The following DSCAML1 variants were observed in gnomAD, a reference collection of about 807,000 sequenced individuals.
The protein encoded by DSCAML1 is cell adhesion molecule DSCAML1.
Under a neutral mutation model 200.5 loss-of-function variants are expected in DSCAML1, and 38 were observed. The ratio of observed to expected loss-of-function variants is 0.19; its 90% CI spans 0.15 to 0.25. The LOEUF (loss-of-function observed/expected upper bound fraction) is 0.25, where lower values mean the gene tolerates loss of function less well. Among genes scored for constraint, DSCAML1 ranks in the 10% least tolerant of loss-of-function variants. The probability of loss-of-function intolerance (pLI) is 1.00; values close to 1 mark genes in which losing one functional copy is unlikely to be tolerated. For synonymous variants in DSCAML1, 1,215 were observed against 1,165.0 expected (o/e 1.04, Z -0.87); for missense variants, 2,223 against 2,858.8 (o/e 0.78, Z 5.07).
At chr11:117,697,433 T>C (rs1591412311) in intron 3 of DSCAML1, among the ~76,000 whole-genome samples, 2 of 152,212 alleles carry the variant, frequency 1.3e-5, no homozygotes, top group Non-Finnish European at 2.9e-5. Context: ...TTTTTTATTA[T>C]GGCAAAATAT....
chr11:117,602,011 C>T (rs1337430023), intron 3 of DSCAML1, among the ~76,000 whole-genome samples: 2 of 152,234 alleles, frequency 1.3e-5, no homozygotes, highest in Admixed American at 6.5e-5. Flanking sequence ...TTCCCTGCTG[C>T]TGTAATGAGG....
chr11:117,806,048 T>C (rs541918670), intron 1 of DSCAML1, among the ~76,000 whole-genome samples: 2 of 152,308 alleles, frequency 1.3e-5, no homozygotes, highest in Admixed American at 6.5e-5. Context: ...CTAGGCCCTG[T>C]TGCCTTCAGA....
chr11:117,535,710 GC>G (rs2050156118), intron 3 of DSCAML1, among the ~76,000 whole-genome samples: 1 of 152,140 alleles, frequency 6.6e-6, no homozygotes, highest in Non-Finnish European at 1.5e-5. Context: ...GGAGGGCGTT[GC>G]TGCCAATCAG....
intron 3 of DSCAML1, among the ~76,000 whole-genome samples, chr11:117,532,834 A>T (rs997388424): frequency 2.0e-5 from 3 of 152,052 alleles, no homozygotes; most frequent in Admixed American, 6.6e-5. Flanking sequence ...GTACAGATTT[A>T]AAAAATGGGG....
rs1448420028 is a variant in DSCAML1, at chr11:117,480,425, T to C, written c.2785+18A>G. 8 of 1,612,686 alleles carry C rather than the reference T, an allele frequency of 5.0e-6. No individual in the cohort carries two copies. The Admixed American group carries it at 8.3e-5, about 17-fold the overall frequency. On this transcript the variant is annotated intron_variant, in intron 14 of 32. Transcript: ENST00000651296. This position sits in a 1 kb window ranked among gnomAD's most constrained non-coding sequence, Gnocchi z 4.1. ...GCCATGGCAGGCCACGCTGTCACCC[T>C]CCTGGCCCAGCGCCTACCTGATTTG...
chr11:117,625,535 G>A (rs2052025477), intron 3 of DSCAML1, among the ~76,000 whole-genome samples: 1 of 152,206 alleles, frequency 6.6e-6, no homozygotes, highest in African/African-American at 2.4e-5. Flanking sequence ...TCCCAGTGGT[G>A]TGACCCAACA....
chr11:117,761,393 G>C (rs1327546136), intron 3 of DSCAML1, among the ~76,000 whole-genome samples: 4 of 152,216 alleles, frequency 2.6e-5, no homozygotes, highest in Non-Finnish European at 2.9e-5. Flanking sequence ...TCCTCCTACA[G>C]AGAGTTCAGT....
At chr11:117,765,099 C>T (rs1281147682) in intron 3 of DSCAML1, among the ~76,000 whole-genome samples, 1 of 152,166 alleles carries the variant, frequency 6.6e-6, no homozygotes, top group Non-Finnish European at 1.5e-5. Context: ...TGCTCTGAGC[C>T]AAAGGTGAAG....
rs1205124295 is a variant in DSCAML1, at chr11:117,518,410, C to G, written c.1510+56G>C. Reference sequence around the variant, plus strand: ...ATCAGCACAAGAATAATGGTAACCACAGAGATGGCAAAGGAACTCAAAAAC... The same window carrying G: ...ATCAGCACAAGAATAATGGTAACCAGAGAGATGGCAAAGGAACTCAAAAAC... On this transcript the variant is annotated intron_variant, in intron 7 of 32. Coordinates refer to ENST00000651296, the MANE Select transcript of DSCAML1 (RefSeq NM_020693.4). This position sits in a 1 kb window ranked among gnomAD's most constrained non-coding sequence, Gnocchi z 6.3. 1 of 1,606,492 alleles carries G rather than the reference C, an allele frequency of 6.2e-7. No homozygotes were observed. Among genetic ancestry groups the G allele is most frequent in the East Asian group, 2.2e-5 (1 of 44,850 alleles).
At chr11:117,477,198 G>GACACACACACACACAC (rs60376380) in intron 14 of DSCAML1, among the ~76,000 whole-genome samples, 4,203 of 144,560 alleles carry the variant, frequency 0.029, 91 homozygotes, top group East Asian at 0.068. Flanking sequence ...GCTGTCCTTA[G>GACACACACACACACAC]ACACACACAC....
At position 117,437,504 on chromosome 11, in the gene DSCAML1, G is replaced by A; in HGVS notation, c.4433-95C>T. The stretch of plus-strand genomic sequence containing the variant: ...TGGAAAGGATTTCCCTGGGGCAGCT[G>A]GGATGGCAGTGGCTCCAGGAGAATA... On this transcript the variant is annotated intron_variant, in intron 25 of 32. Coordinates refer to ENST00000651296, the MANE Select transcript of DSCAML1 (RefSeq NM_020693.4). The surrounding 1 kb of genome is among the most constrained non-coding windows in gnomAD (Gnocchi z 5.3). The A allele has an allele frequency of 1.4e-6, 2 of 1,434,684 alleles. No homozygotes were observed. Among genetic ancestry groups the A allele is most frequent in the Non-Finnish European group, 1.9e-6 (2 of 1,051,560 alleles). The allele number at this position is 1,434,684 out of a possible 1,614,324, so 88.9% of individuals were successfully genotyped here. A position where few individuals can be genotyped will look rare whatever the true frequency, so the allele number is the denominator to read the frequency against.
Position 117,464,979 on chromosome 11 carries a change from G to A in DSCAML1, c.3228C>T (p.Pro1076=), listed in dbSNP as rs756928234. Residue 1076 remains proline (P), a synonymous_variant, in exon 17 of 33, where the codon CCC becomes CCT. Coordinates refer to ENST00000651296, the MANE Select transcript of DSCAML1 (RefSeq NM_020693.4). Reference sequence around the variant, plus strand: ...TGGTGGCATTGATCTCGCTGGAAGAGGGCCCCGTGCCAGCCCGATTGAAGG... The same window carrying A: ...TGGTGGCATTGATCTCGCTGGAAGAAGGCCCCGTGCCAGCCCGATTGAAGG... The part of the protein sequence containing the change: ...VQAFNRAGTG[P]SSSEINATTL... The A allele has an allele frequency of 3.7e-6, 6 of 1,613,976 alleles. No individual in the cohort carries two copies. Among genetic ancestry groups the A allele is most frequent in the Admixed American group, 1.7e-5 (1 of 59,992 alleles).
chr11:117,731,507 C>A (rs1462025497), intron 3 of DSCAML1, among the ~76,000 whole-genome samples: 1 of 152,176 alleles, frequency 6.6e-6, no homozygotes, highest in Non-Finnish European at 1.5e-5. Flanking sequence ...GATCACACTG[C>A]CTCTTTTCCC....
chr11:117,595,248 TG>T (rs1166275758), intron 3 of DSCAML1, among the ~76,000 whole-genome samples: 2 of 152,162 alleles, frequency 1.3e-5, no homozygotes, highest in Non-Finnish European at 2.9e-5. Context: ...CCACTGTCTC[TG>T]GGGGGCTTTT....
intron 3 of DSCAML1, among the ~76,000 whole-genome samples, chr11:117,554,577 A>T (rs1323550455): frequency 1.3e-5 from 2 of 152,116 alleles, no homozygotes; most frequent in Admixed American, 6.5e-5. Context: ...GAGTTTCACC[A>T]TGTTGACCAG....
chr11:117,695,806 C>G (rs1193322370), intron 3 of DSCAML1, among the ~76,000 whole-genome samples: 2 of 152,124 alleles, frequency 1.3e-5, no homozygotes, highest in Non-Finnish European at 1.5e-5. Flanking sequence ...ACACTTACAG[C>G]CATGTGATGC....
chr11:117,564,636 T>C (rs918480737), intron 3 of DSCAML1, among the ~76,000 whole-genome samples: 7 of 152,036 alleles, frequency 4.6e-5, no homozygotes, highest in Non-Finnish European at 8.8e-5. Flanking sequence ...CAAACCTCTC[T>C]CTCTCTCTTT....
At chr11:117,532,572 C>T in intron 3 of DSCAML1, 50 bp from the exon 4 acceptor site, 1 of 1,576,068 alleles carries the variant, frequency 6.3e-7, no homozygotes, top group Non-Finnish European at 8.6e-7. Context: ...TTCGTACAGC[C>T]TCAGAGGCAG....
chr11:117,637,755 C>T (rs1415708899), intron 3 of DSCAML1, among the ~76,000 whole-genome samples: 1 of 152,184 alleles, frequency 6.6e-6, no homozygotes, highest in Non-Finnish European at 1.5e-5. Flanking sequence ...CACATACAAA[C>T]AATTTAGAGG....
Sources: gnomAD v4.1 joint callset for allele counts (sites outside exome capture counted in the v4.1 genomes callset) on GRCh38, gnomAD v4.1.1 for gene constraint, Gnocchi (gnomAD v3.1) non-coding constraint, MANE v1.5 for transcripts, NCBI Gene and HGNC (gene_info 2026-07-23, HGNC 2026-07-21) for gene names.